The following ITGA3 variants were observed in gnomAD, a reference collection of about 807,000 sequenced individuals.
ITGA3 encodes the protein integrin alpha-3.
Under a neutral mutation model 131.1 loss-of-function variants are expected in ITGA3, and 70 were observed. The ratio of observed to expected loss-of-function variants is 0.53; its 90% CI spans 0.44 to 0.65. The LOEUF (loss-of-function observed/expected upper bound fraction) is 0.65, where lower values mean the gene tolerates loss of function less well. ITGA3 is among the 30% of genes least tolerant of loss of function. The pLI is 0.00. For missense variants in ITGA3, 1,098 were observed against 1,388.6 expected (o/e 0.79, Z 3.33); for synonymous variants, 537 against 571.6 (o/e 0.94, Z 0.86).
chr17:50,075,453 C>T lies in ITGA3; in HGVS notation c.1470-6C>T. ...TGACCCGCCCTCCTGTACATCCCTC[C>T]AACAGTGTGCAAGTGGAGCTGTGCT... On this transcript the variant is annotated splice_region_variant and splice_polypyrimidine_tract_variant and intron_variant, in intron 10 of 25. Coordinates refer to ENST00000320031, the MANE Select transcript of ITGA3 (RefSeq NM_002204.4). 1.2e-6 allele frequency: 2 copies of T among 1,614,156 alleles called. No homozygotes were observed. Among genetic ancestry groups the T allele is most frequent in the Non-Finnish European group, 1.7e-6 (2 of 1,180,004 alleles).
At position 50,077,382 on chromosome 17, in the gene ITGA3, G is replaced by A. The variant is rs1908966079; in HGVS notation, c.2074G>A (p.Gly692Arg). The A allele has an allele frequency of 6.2e-7, 1 of 1,613,350 alleles. No homozygotes were observed. The highest frequency in any genetic ancestry group is 8.5e-7 in the Non-Finnish European group (1 of 1,179,370). ...ALLLSSVRPP[G>R]ACQANETIFC... ...CTTATTCGCCTTCTTTCCTCAGCCC[G>A]GGGCCTGCCAAGCTAATGAGACCAT... The change falls in exon 16 of 26, where the codon GGG becomes AGG. Residue 692 changes from glycine to arginine, a missense_variant. By Grantham distance (125) the Gly-to-Arg change is moderately radical. Transcript: ENST00000320031.
chr17:50,064,402 A>G lies in ITGA3; in HGVS notation c.335-126A>G. On this transcript the variant is annotated intron_variant, in intron 2 of 25. Transcript: ENST00000320031. The surrounding 1 kb of genome is among the most constrained non-coding windows in gnomAD (Gnocchi z 4.4). ...GCTCAGAATAATGACGAGCTGGAGA[A>G]GGGGAGTTGGGAGGGCTGCCCTGTG... 1 of 1,132,244 alleles carries G rather than the reference A, an allele frequency of 8.8e-7. No individual in the cohort carries two copies. Among genetic ancestry groups the G allele is most frequent in the South Asian group, 1.5e-5 (1 of 66,162 alleles). 70.1% of individuals were successfully genotyped at this position (1,132,244 alleles called of 1,614,324 possible). A position where few individuals can be genotyped will look rare whatever the true frequency, so the allele number is the denominator to read the frequency against.
In ITGA3 at chr17:50,077,895, G is replaced by C; in HGVS notation, c.2140-151G>C. The C allele has an allele frequency of 4.9e-6, 3 of 615,958 alleles. No homozygotes were observed. The Admixed American group carries it at 8.5e-5, about 17-fold the overall frequency. The allele number at this position is 615,958 out of a possible 1,614,324, so 38.2% of individuals were successfully genotyped here. ...AAAGGGGGAAAGGGAGGCAGAGGTG[G>C]GGTGGGGAGGTAGAGACCCCTCACC... is the stretch of plus-strand genomic sequence containing the variant. On this transcript the variant is annotated intron_variant, in intron 16 of 25. Coordinates refer to ENST00000320031, the MANE Select transcript of ITGA3 (RefSeq NM_002204.4).
At position 50,071,511 on chromosome 17, in the gene ITGA3, A is replaced by C; in HGVS notation, c.952A>C (p.Asn318His). The C allele has an allele frequency of 6.2e-7, 1 of 1,606,402 alleles. No homozygotes were observed. The highest frequency in any genetic ancestry group is 1.3e-5 in the African/African-American group (1 of 74,964). Reference sequence around the variant, plus strand: ...CGCCATTGCCCTGGCAGACCTGAACAATGATGGGTGAGAATCTAGGGACAT... The same window carrying C: ...CGCCATTGCCCTGGCAGACCTGAACCATGATGGGTGAGAATCTAGGGACAT... ...GSAIALADLN[N>H]DGWQDLLVGA... Residue 318 changes from asparagine to histidine, a missense_variant, in exon 6 of 26, where the codon AAT becomes CAT. Asn to His is a moderately conservative substitution (Grantham distance 68). This residue lies in a region of ITGA3 where 356 missense variants were observed against 529.2 expected (regional missense o/e 0.67). Coordinates refer to ENST00000320031, the MANE Select transcript of ITGA3 (RefSeq NM_002204.4).
intron 7 of ITGA3, among the ~76,000 whole-genome samples, chr17:50,073,632 A>ACG (rs1217560521): frequency 1.4e-5 from 2 of 147,830 alleles, no homozygotes; most frequent in Non-Finnish European, 3.0e-5. Context: ...ACACACACAC[A>ACG]CGCACACACG....
At position 50,076,326 on chromosome 17, in the gene ITGA3, G is replaced by T; in HGVS notation, c.1675G>T (p.Asp559Tyr). 6.2e-7 allele frequency: 1 copy of T among 1,613,204 alleles called. No individual in the cohort carries two copies. Among genetic ancestry groups the T allele is most frequent in the Non-Finnish European group, 8.5e-7 (1 of 1,179,756 alleles). The change falls in exon 13 of 26, where the codon GAC (aspartate) becomes TAC (tyrosine). Residue 559 changes from aspartate (D) to tyrosine (Y), a missense_variant and splice_region_variant. This residue lies in a region of ITGA3 where 699 missense variants were observed against 829.2 expected (regional missense o/e 0.84). Transcript: ENST00000320031. Reference sequence around the variant, plus strand: ...GGCTCAGCTCACCCTCTCTCCCCAGGACAACCTCCGTGACAAACTCCGCCC... The same window carrying T: ...GGCTCAGCTCACCCTCTCTCCCCAGTACAACCTCCGTGACAAACTCCGCCC... ...RCQKLELLLM[D>Y]NLRDKLRPII... is the part of the protein sequence containing the mutation.
chr17:50,090,389 A>G lies in ITGA3; in HGVS notation c.*1311A>G. On this transcript the variant is annotated 3_prime_UTR_variant, in exon 26 of 26. Transcript: ENST00000320031. ...CCACTCCCCAGCCCCAGCCCCTTCC[A>G]TGGTACTGTAGCAGGGGAATTCCCT... 3 of 365,802 alleles carry G rather than the reference A, an allele frequency of 8.2e-6. No individual in the cohort carries two copies. Among genetic ancestry groups the G allele is most frequent in the Non-Finnish European group, 1.1e-5 (2 of 175,062 alleles). 22.7% of individuals were successfully genotyped at this position (365,802 alleles called of 1,614,324 possible). A position where few individuals can be genotyped will look rare whatever the true frequency, so the allele number is the denominator to read the frequency against.
intron 6 of ITGA3, 37 bp downstream of exon 6, chr17:50,071,555 G>A (rs1260891559): frequency 1.9e-5 from 30 of 1,552,136 alleles, no homozygotes; most frequent in Non-Finnish European, 2.5e-5. Flanking sequence ...GCCAGGGAGA[G>A]CGATGGGCGG....
At chr17:50,074,419 A>G in intron 9 of ITGA3, 29 bp from the exon 10 acceptor site, 1 of 1,610,160 alleles carries the variant, frequency 6.2e-7, no homozygotes, top group Non-Finnish European at 8.5e-7. Context: ...GGAGGCACTG[A>G]TATCTGTCTG....
chr17:50,067,326 A>C (rs903548620), intron 3 of ITGA3, among the ~76,000 whole-genome samples: 13 of 152,228 alleles, frequency 8.5e-5, no homozygotes, highest in African/African-American at 3.1e-4. Flanking sequence ...CAGTTTGCCC[A>C]ATAAATATAT....
intron 19 of ITGA3, 64 bp downstream of exon 19, chr17:50,078,990 G>C: frequency 6.6e-7 from 1 of 1,512,982 alleles, no homozygotes; most frequent in East Asian, 2.3e-5. Context: ...ATTTTCTCTG[G>C]GGTCTGAAGG....
intron 1 of ITGA3, among the ~76,000 whole-genome samples, chr17:50,063,143 G>A (rs4793637): frequency 0.081 from 12,034 of 148,758 alleles, 509 homozygotes; most frequent in Admixed American, 0.11. Flanking sequence ...GGTATGGGAC[G>A]GGTTGCCAGG....
At position 50,064,053 on chromosome 17, in the gene ITGA3, A is replaced by C. The variant is rs1234234843; in HGVS notation, c.207-24A>C. 1.2e-6 allele frequency: 2 copies of C among 1,610,744 alleles called. No homozygotes were observed. Among genetic ancestry groups the C allele is most frequent in the Non-Finnish European group, 1.7e-6 (2 of 1,178,990 alleles). On this transcript the variant is annotated intron_variant, in intron 1 of 25. Transcript: ENST00000320031. This position sits in a 1 kb window ranked among gnomAD's most constrained non-coding sequence, Gnocchi z 4.4. ...TGGGGCTTGGGGAGTCTGAACCCGG[A>C]CCCACCTCCGTCCCTATCCCCAGGC...
intron 14 of ITGA3, 43 bp downstream of exon 14, chr17:50,076,724 ACGGGGCCTCATTAACTGGCAGGGTGGGGG>A (rs1378061056): frequency 4.3e-6 from 6 of 1,393,510 alleles, no homozygotes; most frequent in African/African-American, 4.3e-5. Context: ...CAAGGGTGGG[ACGGGGCCTCATTAACTGGCAGGGTGGGGG>A]CGGGGCCTCA....
At chr17:50,061,160 T>G (rs1598179415) in intron 1 of ITGA3, among the ~76,000 whole-genome samples, 1 of 152,026 alleles carries the variant, frequency 6.6e-6, no homozygotes, top group East Asian at 1.9e-4. Flanking sequence ...CTCTGGAATC[T>G]CTGAGGAGGG....
chr17:50,081,328 C>T lies in ITGA3; in HGVS notation c.2839C>T (p.Arg947Ter), dbSNP rs757967715. 5.0e-6 allele frequency: 8 copies of T among 1,589,014 alleles called. No homozygotes were observed. The East Asian group carries it at 6.8e-5, about 14-fold the overall frequency. ...TFIEDYRDFD[R>*]VRVNGWATLF... ...AATCCAGGATTACAGAGACTTTGAC[C>T]GAGTCCGGGTAAATGGCTGGGCTAC... The change falls in exon 23 of 26, where the codon CGA becomes TGA. Residue 947 changes from arginine (R) to a stop codon, truncating the protein, a stop_gained. Coordinates refer to ENST00000320031, the MANE Select transcript of ITGA3 (RefSeq NM_002204.4). LOFTEE classifies it high-confidence loss of function.
intron 12 of ITGA3, 41 bp downstream of exon 12, chr17:50,075,776 C>G (rs879211574): frequency 6.2e-7 from 1 of 1,608,638 alleles, no homozygotes; most frequent in Non-Finnish European, 8.5e-7. Context: ...CTCCCAGGTC[C>G]CTGGAGGAGG....
chr17:50,063,928 C>T (rs977501432), intron 1 of ITGA3, 149 bp from the exon 2 acceptor site: 8 of 1,093,564 alleles, frequency 7.3e-6, no homozygotes, highest in African/African-American at 6.3e-5. Context: ...TCCTTGCCTG[C>T]CTTACCCTAC....
chr17:50,077,946 C>T, intron 16 of ITGA3, 100 bp from the exon 17 acceptor site: 1 of 1,004,534 alleles, frequency 1.0e-6, no homozygotes, highest in Non-Finnish European at 1.5e-6. Flanking sequence ...AGGAGAAGGC[C>T]AGAAAGCCAA....
Sources: gnomAD v4.1 joint callset for allele counts (sites outside exome capture counted in the v4.1 genomes callset) on GRCh38, gnomAD v4.1.1 for gene constraint, gnomAD v4.1.1 regional missense constraint, Gnocchi (gnomAD v3.1) non-coding constraint, MANE v1.5 for transcripts, NCBI Gene and HGNC (gene_info 2026-07-23, HGNC 2026-07-21) for gene names.